Variants in NEK11 observed in about 807,000 individuals in gnomAD.
NEK11 encodes the protein serine/threonine-protein kinase Nek11.
A neutral mutation model predicts 80.7 loss-of-function variants in NEK11; 72 were observed. The ratio of observed to expected loss-of-function variants is 0.89; its 90% CI spans 0.74 to 1.08. The LOEUF (loss-of-function observed/expected upper bound fraction) is 1.08, where lower values mean the gene tolerates loss of function less well. Ranked by LOEUF, NEK11 falls within the 50% of genes least tolerant of loss-of-function variation. NEK11 has a pLI of 0.00. For synonymous variants in NEK11, 251 were observed against 260.7 expected (o/e 0.96, Z 0.36); for missense variants, 764 against 763.6 (o/e 1.00, Z -0.01).
chr3:131,057,607 G>T (rs2069829617), intron 3 of NEK11, among the ~76,000 whole-genome samples: 1 of 152,126 alleles, frequency 6.6e-6, no homozygotes, highest in Non-Finnish European at 1.5e-5. Context: ...GTATCTAATT[G>T]TGGTTTTGAT....
At chr3:131,341,300 G>A (rs977149541) in intron 17 of NEK11, among the ~76,000 whole-genome samples, 3 of 152,106 alleles carry the variant, frequency 2.0e-5, no homozygotes, top group Non-Finnish European at 4.4e-5. Flanking sequence ...AATTTATTTA[G>A]AATGTATTAT....
At chr3:131,341,006 G>A (rs1251739700) in intron 17 of NEK11, among the ~76,000 whole-genome samples, 1 of 152,098 alleles carries the variant, frequency 6.6e-6, no homozygotes, top group Non-Finnish European at 1.5e-5. Flanking sequence ...GCCACCCCAT[G>A]TCCCTCTCTT....
At chr3:131,265,124 G>T (rs2096020870) in intron 16 of NEK11, among the ~76,000 whole-genome samples, 1 of 152,072 alleles carries the variant, frequency 6.6e-6, no homozygotes, top group South Asian at 2.1e-4. Context: ...GCTGAGACGA[G>T]GGGGTTTTCT....
intron 3 of NEK11, among the ~76,000 whole-genome samples, chr3:131,042,012 C>G (rs1432132488): frequency 6.6e-6 from 1 of 152,146 alleles, no homozygotes; most frequent in Non-Finnish European, 1.5e-5. Flanking sequence ...GGGGAGCTCC[C>G]TCCCCTAGCG....
chr3:131,268,585 G>A (rs1041260667), intron 16 of NEK11, among the ~76,000 whole-genome samples: 1 of 152,238 alleles, frequency 6.6e-6, no homozygotes, highest in Non-Finnish European at 1.5e-5. Context: ...GTTTGCCTGA[G>A]TACCACCAGT....
chr3:131,255,875 G>A (rs1382700758), intron 16 of NEK11, among the ~76,000 whole-genome samples: 1 of 152,048 alleles, frequency 6.6e-6, no homozygotes, highest in East Asian at 1.9e-4. Context: ...TCCAAATAAG[G>A]CAAATGCCCA....
chr3:131,255,096 G>GAA (rs1192142223), intron 16 of NEK11, among the ~76,000 whole-genome samples: 7 of 148,530 alleles, frequency 4.7e-5, no homozygotes, highest in African/African-American at 1.8e-4. Context: ...AAGAAAGAAA[G>GAA]AAAGAAAGAA....
intron 4 of NEK11, among the ~76,000 whole-genome samples, chr3:131,095,908 C>G (rs1329716415): frequency 6.6e-6 from 1 of 152,030 alleles, no homozygotes; most frequent in Non-Finnish European, 1.5e-5. Flanking sequence ...AGGTCACTGG[C>G]AACAGTAGTC....
intron 3 of NEK11, 86 bp downstream of exon 3, chr3:131,029,964 G>T: frequency 7.8e-7 from 1 of 1,281,816 alleles, no homozygotes; most frequent in Non-Finnish European, 1.1e-6. Flanking sequence ...AGCAGGCCAG[G>T]TATGGTGGCT....
chr3:131,037,865 C>T (rs2065886977), intron 3 of NEK11, among the ~76,000 whole-genome samples: 1 of 152,014 alleles, frequency 6.6e-6, no homozygotes, highest in South Asian at 2.1e-4. Context: ...CTTATTAAAG[C>T]TACTATTTCT....
At chr3:131,134,097 C>A in intron 7 of NEK11, 141 bp downstream of exon 7, 1 of 685,662 alleles carries the variant, frequency 1.5e-6, no homozygotes, top group Non-Finnish European at 2.2e-6. Flanking sequence ...AAAAGAAGGT[C>A]TTTTGCATTT....
At chr3:131,266,808 T>C (rs1392235279) in intron 16 of NEK11, among the ~76,000 whole-genome samples, 4 of 152,202 alleles carry the variant, frequency 2.6e-5, no homozygotes, top group Admixed American at 1.3e-4. Context: ...CTCTCACTAT[T>C]ATTGTGTGTG....
At chr3:131,051,057 G>A (rs2068311787) in intron 3 of NEK11, among the ~76,000 whole-genome samples, 1 of 152,176 alleles carries the variant, frequency 6.6e-6, no homozygotes, top group Non-Finnish European at 1.5e-5. Context: ...ATAACCAAAT[G>A]AAGCCTACTT....
intron 14 of NEK11, among the ~76,000 whole-genome samples, 166 bp from the exon 15 acceptor site, chr3:131,228,362 T>C (rs561173304): frequency 6.6e-6 from 1 of 152,324 alleles, no homozygotes; most frequent in Admixed American, 6.5e-5. Context: ...GCTGAGTGTT[T>C]ATTACATTCA....
chr3:131,298,490 AAGCAACTTC>A (rs1369872604), intron 17 of NEK11, among the ~76,000 whole-genome samples: 3 of 152,206 alleles, frequency 2.0e-5, no homozygotes, highest in Non-Finnish European at 4.4e-5. Context: ...TTAAGCTGAT[AAGCAACTTC>A]AGCAAAGTCT....
intron 17 of NEK11, among the ~76,000 whole-genome samples, chr3:131,332,736 G>A (rs1275384064): frequency 6.6e-6 from 1 of 152,042 alleles, no homozygotes; most frequent in African/African-American, 2.4e-5. Context: ...TTAGACGAAT[G>A]TATAACTAGA....
chr3:131,162,730 A>T (rs2091782719), intron 11 of NEK11, among the ~76,000 whole-genome samples: 1 of 152,238 alleles, frequency 6.6e-6, no homozygotes, highest in Admixed American at 6.5e-5. Context: ...TCAGGCTTTC[A>T]GTCTTGTGTG....
intron 17 of NEK11, among the ~76,000 whole-genome samples, chr3:131,338,988 T>C (rs1054945812): frequency 6.6e-6 from 1 of 151,750 alleles, no homozygotes; most frequent in African/African-American, 2.4e-5. Context: ...TTATATATAT[T>C]TTTTTATCAA....
intron 4 of NEK11, among the ~76,000 whole-genome samples, chr3:131,092,473 T>C (rs1301209214): frequency 1.3e-5 from 2 of 152,218 alleles, no homozygotes; most frequent in East Asian, 3.8e-4. Flanking sequence ...AGGAATCTAC[T>C]TGTTTTAACC....
Sources: gnomAD v4.1 joint callset for allele counts (sites outside exome capture counted in the v4.1 genomes callset) on GRCh38, gnomAD v4.1.1 for gene constraint, MANE v1.5 for transcripts, NCBI Gene and HGNC (gene_info 2026-07-23, HGNC 2026-07-21) for gene names.